The following MSR1 variants were observed in gnomAD, a reference collection of about 807,000 sequenced individuals.
MSR1 encodes the protein macrophage scavenger receptor 1.
In MSR1, 53 loss-of-function variants were observed where a neutral mutation model predicts 47.2. That is an observed-to-expected ratio of 1.12 (90% CI 0.90 to 1.41). MSR1 has a LOEUF of 1.41. MSR1 is among the 40% of genes most tolerant of loss of function. The pLI is 0.00. For missense variants in MSR1, 786 were observed against 546.9 expected (o/e 1.44, Z -4.36); for synonymous variants, 239 against 185.6 (o/e 1.29, Z -2.34).
chr8:16,118,665 G>A (rs1163428958), intron 9 of MSR1, among the ~76,000 whole-genome samples: 1 of 152,006 alleles, frequency 6.6e-6, no homozygotes, highest in Non-Finnish European at 1.5e-5. Context: ...GTGACAGAGG[G>A]AGATCTGTCT....
chr8:16,159,204 C>T (rs1254373577), intron 5 of MSR1, among the ~76,000 whole-genome samples: 1 of 151,018 alleles, frequency 6.6e-6, no homozygotes, highest in African/African-American at 2.4e-5. Context: ...ATCAATATTT[C>T]TTTTTTGGTG....
chr8:16,188,689 G>A (rs1037763952), intron 1 of MSR1, among the ~76,000 whole-genome samples: 2 of 151,862 alleles, frequency 1.3e-5, no homozygotes, highest in Admixed American at 1.3e-4. Context: ...AGGCCCCGGT[G>A]TGTGATGCTC....
chr8:16,117,492 T>C (rs1585133328), intron 9 of MSR1, among the ~76,000 whole-genome samples: 1 of 152,150 alleles, frequency 6.6e-6, no homozygotes, highest in East Asian at 1.9e-4. Flanking sequence ...TGGCAGGCTT[T>C]AGAGTCGAAA....
intron 9 of MSR1, among the ~76,000 whole-genome samples, chr8:16,110,633 C>T (rs1799736224): frequency 6.6e-6 from 1 of 152,062 alleles, no homozygotes; most frequent in African/African-American, 2.4e-5. Context: ...TATATTTGCA[C>T]ATAAAATAAA....
At chr8:16,186,303 TCTC>T (rs1801998323) in intron 1 of MSR1, 1 of 1,035,570 alleles carries the variant, frequency 9.7e-7, no homozygotes, top group Admixed American at 2.2e-5. Context: ...TTCTGTTTTC[TCTC>T]CTATTTTCAC....
chr8:16,140,897 G>A (rs373090299), intron 8 of MSR1: 2 of 1,609,488 alleles, frequency 1.2e-6, no homozygotes, highest in African/African-American at 1.3e-5. Flanking sequence ...ATTTGGAGGA[G>A]TCACAAAAGG....
chr8:16,145,688 A>C (rs1800677260), intron 7 of MSR1, among the ~76,000 whole-genome samples: 1 of 152,144 alleles, frequency 6.6e-6, no homozygotes, highest in Non-Finnish European at 1.5e-5. Flanking sequence ...TAAAGATGGT[A>C]AAATAAAATG....
At chr8:16,187,434 G>C (rs1461866692) in intron 1 of MSR1, among the ~76,000 whole-genome samples, 1 of 144,452 alleles carries the variant, frequency 6.9e-6, no homozygotes, top group Non-Finnish European at 1.5e-5. Flanking sequence ...GACTGTTCCT[G>C]AACATCCATT....
chr8:16,129,298 G>T (rs926189318), intron 8 of MSR1, among the ~76,000 whole-genome samples: 1 of 152,068 alleles, frequency 6.6e-6, no homozygotes, highest in African/African-American at 2.4e-5. Flanking sequence ...CTTTGGCATG[G>T]ATTAAGCAGG....
intron 1 of MSR1, among the ~76,000 whole-genome samples, chr8:16,185,332 A>T (rs1801963556): frequency 6.6e-6 from 1 of 152,156 alleles, no homozygotes; most frequent in Non-Finnish European, 1.5e-5. Flanking sequence ...ACCAGATCTC[A>T]ATCTCAGCAT....
At chr8:16,123,096 C>T (rs1020325759) in intron 8 of MSR1, among the ~76,000 whole-genome samples, 1 of 152,054 alleles carries the variant, frequency 6.6e-6, no homozygotes, top group Admixed American at 6.6e-5. Context: ...CCGCCCGACT[C>T]GGCCTGCCAA....
intron 1 of MSR1, among the ~76,000 whole-genome samples, chr8:16,190,542 G>A (rs1238855403): frequency 2.6e-5 from 4 of 151,868 alleles, no homozygotes; most frequent in African/African-American, 9.7e-5. Flanking sequence ...TTCTTCTTGG[G>A]TTATTATCTA....
intron 8 of MSR1, among the ~76,000 whole-genome samples, chr8:16,127,066 T>G (rs1039403431): frequency 2.0e-5 from 3 of 152,176 alleles, no homozygotes; most frequent in African/African-American, 7.2e-5. Context: ...TGATGGGGAA[T>G]AGGTGATGGG....
chr8:16,125,914 G>A (rs1267160137), intron 8 of MSR1, among the ~76,000 whole-genome samples: 3 of 152,054 alleles, frequency 2.0e-5, no homozygotes, highest in Non-Finnish European at 4.4e-5. Flanking sequence ...TTACAGGTAT[G>A]AGCCACTGCA....
chr8:16,159,611 T>C (rs12680537), intron 5 of MSR1, among the ~76,000 whole-genome samples: 13,308 of 152,028 alleles, frequency 0.088, 882 homozygotes, highest in East Asian at 0.33. Context: ...TAAGTTATAA[T>C]TTAATTAATA....
At chr8:16,189,871 G>A (rs1298580325) in intron 1 of MSR1, among the ~76,000 whole-genome samples, 2 of 145,520 alleles carry the variant, frequency 1.4e-5, no homozygotes, top group African/African-American at 5.1e-5. Flanking sequence ...TTTTCCCAGG[G>A]GGCAATGCTT....
chr8:16,168,499 G>T lies in MSR1; in HGVS notation c.589C>A (p.Leu197Met). Residue 197 changes from leucine (L) to methionine (M), a missense_variant, in exon 4 of 10, where the codon CTG (leucine) becomes ATG (methionine). Leu to Met is a conservative substitution (Grantham distance 15). Transcript: ENST00000262101. Reference protein sequence around the residue: ...LLDLQLNIENLNGKIQENTFK... With the variant: ...LLDLQLNIENMNGKIQENTFK... Reference sequence around the variant, plus strand: ...GTATTCTCTTGGATTTTGCCATTCAGATTTTCTATGTTGAGCTGCAAATCA... The same window carrying T: ...GTATTCTCTTGGATTTTGCCATTCATATTTTCTATGTTGAGCTGCAAATCA... The T allele has an allele frequency of 6.2e-7, 1 of 1,614,108 alleles. No individual in the cohort carries two copies. Among genetic ancestry groups the T allele is most frequent in the Non-Finnish European group, 8.5e-7 (1 of 1,180,008 alleles).
At chr8:16,190,281 A>C (rs189054635) in intron 1 of MSR1, among the ~76,000 whole-genome samples, 2 of 152,278 alleles carry the variant, frequency 1.3e-5, no homozygotes, top group Non-Finnish European at 1.5e-5. Flanking sequence ...TGAAAGGAAA[A>C]CTATTTTGAA....
intron 8 of MSR1, among the ~76,000 whole-genome samples, chr8:16,130,532 T>C (rs1000555811): frequency 1.3e-5 from 2 of 152,138 alleles, no homozygotes; most frequent in Non-Finnish European, 1.5e-5. Flanking sequence ...GTTGGTTATA[T>C]AGGTAAATTG....
Sources: allele counts gnomAD v4.1 joint callset (sites outside exome capture counted in the v4.1 genomes callset), GRCh38; gene constraint gnomAD v4.1.1; transcripts MANE v1.5; gene names NCBI Gene and HGNC (gene_info 2026-07-23, HGNC 2026-07-21).